Variants in FAM186A observed in about 807,000 individuals in gnomAD.
The protein encoded by FAM186A is family with sequence similarity 186 member A, also known as protein FAM186A.
FAM186A carries 163 observed loss-of-function variants against 216.8 expected under a neutral mutation model. The observed-to-expected ratio is 0.75, with a 90% CI of 0.66 to 0.86. The LOEUF (loss-of-function observed/expected upper bound fraction) is 0.86. Among genes scored for constraint, FAM186A ranks in the 40% least tolerant of loss-of-function variants. FAM186A has a pLI of 0.00. For synonymous variants in FAM186A, 805 were observed against 1,025.3 expected (o/e 0.79, Z 4.10); for missense variants, 2,184 against 2,746.2 (o/e 0.80, Z 4.58).
At position 50,343,855 on chromosome 12, in the gene FAM186A, G is replaced by A. The variant is rs535282607; in HGVS notation, c.6503+6474C>T. ...GGATAGTCCTCATTCTCCTGACCTC[G>A]TGATCTGCCTGCCTTGGCCTCCCAA... On this transcript the variant is annotated intron_variant, in intron 4 of 7. Transcript: ENST00000327337. Among the ~76,000 whole-genome samples, 6 of 151,748 alleles carry A rather than the reference G, an allele frequency of 4.0e-5. No homozygotes were observed. The South Asian group carries it at 1.0e-3, about 26-fold the overall frequency.
intron 1 of FAM186A, among the ~76,000 whole-genome samples, chr12:50,386,501 C>T (rs967821319): frequency 3.3e-5 from 5 of 152,016 alleles, no homozygotes; most frequent in South Asian, 2.1e-4. Context: ...CTAGCCATTC[C>T]GCAATGTATA....
chr12:50,338,221 G>A (rs567006857), intron 4 of FAM186A, among the ~76,000 whole-genome samples: 1 of 152,122 alleles, frequency 6.6e-6, no homozygotes, highest in African/African-American at 2.4e-5. Flanking sequence ...TTTATTTTGA[G>A]ACAGAGTTTC....
chr12:50,378,873 C>G (rs1050583156), intron 1 of FAM186A, among the ~76,000 whole-genome samples: 2 of 152,040 alleles, frequency 1.3e-5, no homozygotes, highest in African/African-American at 4.8e-5. Flanking sequence ...ACAGCTTCAA[C>G]CATATGAAAA....
chr12:50,338,288 G>A (rs752386777), intron 4 of FAM186A, among the ~76,000 whole-genome samples: 2 of 152,042 alleles, frequency 1.3e-5, no homozygotes, highest in Non-Finnish European at 2.9e-5. Flanking sequence ...TGTAACCTCC[G>A]CCTCCAGGGT....
Position 50,350,664 on chromosome 12 carries a change from T to A in FAM186A, c.6168A>T (p.Thr2056=). The change falls in exon 4 of 8, where the codon ACA becomes ACT. Residue 2056 remains threonine (T), a synonymous_variant. Transcript: ENST00000327337. ...ACCATTCCAAAGGTGAAATCTGTGA[T>A]GTTCTGAGTAGAGTAGTGAGAGAAG... The part of the protein sequence containing the change: ...SPSSLTTLLR[T]SQISPLEWYQ... 1 of 1,551,578 alleles carries A rather than the reference T, an allele frequency of 6.4e-7. No individual in the cohort carries two copies. Among genetic ancestry groups the A allele is most frequent in the Non-Finnish European group, 8.7e-7 (1 of 1,146,970 alleles).
chr12:50,378,551 G>A, intron 1 of FAM186A, among the ~76,000 whole-genome samples: 1 of 61,782 alleles, frequency 1.6e-5, no homozygotes, highest in African/African-American at 4.0e-5. Context: ...ATACATATAT[G>A]TAAATTGTAT....
At chr12:50,386,647 G>A (rs972835106) in intron 1 of FAM186A, among the ~76,000 whole-genome samples, 8 of 151,908 alleles carry the variant, frequency 5.3e-5, no homozygotes, top group African/African-American at 1.5e-4. Flanking sequence ...ATCACTTAAC[G>A]TCAGGAGTTC....
chr12:50,384,167 TGGCTCA>T (rs1444200571), intron 1 of FAM186A, among the ~76,000 whole-genome samples: 1 of 151,902 alleles, frequency 6.6e-6, no homozygotes, highest in Non-Finnish European at 1.5e-5. Context: ...CCAGGTGTGG[TGGCTCA>T]CACCTGGAAT....
At chr12:50,373,071 GAA>G (rs1381724830) in intron 1 of FAM186A, among the ~76,000 whole-genome samples, 1 of 144,066 alleles carries the variant, frequency 6.9e-6, no homozygotes, top group Non-Finnish European at 1.5e-5. Flanking sequence ...AAGAAAGAAA[GAA>G]AGAGAAAAGA....
At position 50,350,748 on chromosome 12, in the gene FAM186A, T is replaced by C; in HGVS notation, c.6084A>G (p.Gln2028=). 6.4e-7 allele frequency: 1 copy of C among 1,551,622 alleles called. No individual in the cohort carries two copies. Among genetic ancestry groups the C allele is most frequent in the Non-Finnish European group, 8.7e-7 (1 of 1,146,980 alleles). ...HFTKYRTPVY[Q]TPYTDERALL... ...GGGCCCTTTCATCAGTGTAAGGGGT[T>C]TGGTATACTGGTGTCCTATATTTGG... The change falls in exon 4 of 8, where the codon CAA becomes CAG. Residue 2028 remains glutamine (Q), a synonymous_variant. Transcript: ENST00000327337.
At chr12:50,341,226 A>G (rs1022393183) in intron 4 of FAM186A, among the ~76,000 whole-genome samples, 1 of 152,248 alleles carries the variant, frequency 6.6e-6, no homozygotes, top group Non-Finnish European at 1.5e-5. Flanking sequence ...GAGGCTCTAC[A>G]GAAATCTTTA....
intron 4 of FAM186A, 31 bp downstream of exon 4, chr12:50,350,298 C>G: frequency 6.8e-7 from 1 of 1,481,114 alleles, no homozygotes; most frequent in Non-Finnish European, 9.0e-7. Context: ...AGAACTAAAC[C>G]AGAAAACTAG....
intron 2 of FAM186A, among the ~76,000 whole-genome samples, chr12:50,362,086 C>A (rs1943041253): frequency 6.6e-6 from 1 of 152,064 alleles, no homozygotes; most frequent in South Asian, 2.1e-4. Flanking sequence ...AGTACACCTG[C>A]CTCAGCCTCC....
intron 1 of FAM186A, chr12:50,392,604 AAT>A (rs1185600368): frequency 8.7e-6 from 1 of 115,206 alleles, no homozygotes. Flanking sequence ...TATGTATATC[AAT>A]AGTTTTTTTT....
chr12:50,348,382 C>A (rs1942842068), intron 4 of FAM186A, among the ~76,000 whole-genome samples: 1 of 151,260 alleles, frequency 6.6e-6, no homozygotes, highest in African/African-American at 2.4e-5. Flanking sequence ...TGTTGGCCAG[C>A]TGATTTTTTG....
At chr12:50,344,038 A>ACC (rs1470886038) in intron 4 of FAM186A, among the ~76,000 whole-genome samples, 44 of 148,568 alleles carry the variant, frequency 3.0e-4, no homozygotes, top group Non-Finnish European at 2.5e-4. Context: ...AGGATAAGCC[A>ACC]CCACACCCAG....
In FAM186A at chr12:50,356,139, A is replaced by T. The variant is rs1942974541; in HGVS notation, c.693T>A (p.Asn231Lys). The T allele has an allele frequency of 2.6e-6, 4 of 1,551,602 alleles. No individual in the cohort carries two copies. The highest frequency in any genetic ancestry group is 3.5e-6 in the Non-Finnish European group (4 of 1,146,974). Residue 231 changes from asparagine to lysine, a missense_variant, in exon 4 of 8, where the codon AAT becomes AAA. Asn to Lys is a moderately conservative substitution (Grantham distance 94). This residue lies in a region of FAM186A where 1,132 missense variants were observed against 1,263.4 expected (regional missense o/e 0.90). Coordinates refer to ENST00000327337, the MANE Select transcript of FAM186A (RefSeq NM_001145475.3). ...DQMISDQLAT[N>K]TKVSEIQGML... ...TACCTTGGATTTCTGAAACCTTTGTATTTGTTGCAAGTTGATCACTAATCA... is the reference window on the plus strand; with the variant it reads ...TACCTTGGATTTCTGAAACCTTTGTTTTTGTTGCAAGTTGATCACTAATCA...
rs928082859 is a variant in FAM186A at position 50,373,309 on chromosome 12, A to G, written c.193-9945T>C. Among the ~76,000 whole-genome samples the G allele has an allele frequency of 6.6e-5, 10 of 152,240 alleles. No individual in the cohort carries two copies. The East Asian group carries it at 1.9e-3, about 29-fold the overall frequency. ...CTTCTTGGTAGGCTGAGGCAGGAGA[A>G]CTGCTCAAACCCGGCAGGCAGAGGT... On this transcript the variant is annotated intron_variant, in intron 1 of 7. Transcript: ENST00000327337.
At chr12:50,346,574 G>A (rs927907815) in intron 4 of FAM186A, among the ~76,000 whole-genome samples, 2 of 152,196 alleles carry the variant, frequency 1.3e-5, no homozygotes, top group African/African-American at 2.4e-5. Context: ...ATCGCCGGGC[G>A]TGGTGGCTCA....
Sources: allele counts gnomAD v4.1 joint callset (sites outside exome capture counted in the v4.1 genomes callset), GRCh38; gene constraint gnomAD v4.1.1; regional missense constraint gnomAD v4.1.1; transcripts MANE v1.5; gene names NCBI Gene and HGNC (gene_info 2026-07-23, HGNC 2026-07-21).